Variants in PRR14 observed in about 807,000 individuals in gnomAD.
PRR14 encodes proline rich 14, also known as proline-rich protein 14.
In PRR14, 33 loss-of-function variants were observed where a neutral mutation model predicts 57.2. That is an observed-to-expected ratio of 0.58 (90% CI 0.44 to 0.77). The LOEUF (loss-of-function observed/expected upper bound fraction) is 0.77, where lower values mean the gene tolerates loss of function less well. Among genes scored for constraint, PRR14 ranks in the 30% least tolerant of loss-of-function variants. PRR14 has a pLI of 0.00. For missense variants in PRR14, 716 were observed against 788.1 expected (o/e 0.91, Z 1.10); for synonymous variants, 303 against 314.7 (o/e 0.96, Z 0.39).
Position 30,651,926 on chromosome 16 carries a change from C to T in PRR14, c.154C>T (p.Leu52=). 1 of 1,573,530 alleles carries T rather than the reference C, an allele frequency of 6.4e-7. No homozygotes were observed. The highest frequency in any genetic ancestry group is 8.6e-7 in the Non-Finnish European group (1 of 1,161,524). ...CCTGGAAAAGGCCTCTCGGCGGGTC[C>T]TGGCCGTGGTGCTAGAAGATGTCAT... The part of the protein sequence containing the change: ...SPLEKASRRV[L]AVVLEDVMAV... The change falls in exon 3 of 12, where the codon CTG becomes TTG. Residue 52 remains leucine, a synonymous_variant. Transcript: ENST00000300835. This position sits in a 1 kb window ranked among gnomAD's most constrained non-coding sequence, Gnocchi z 5.0.
intron 3 of PRR14, 57 bp downstream of exon 3, chr16:30,652,021 A>G: frequency 2.0e-6 from 3 of 1,497,850 alleles, no homozygotes; most frequent in Non-Finnish European, 2.7e-6. Flanking sequence ...TCACTACCAA[A>G]CTCGGGCCAG....
chr16:30,651,544 A>T lies in PRR14; in HGVS notation c.-50-52A>T. ...GGCGGACCATGAAGGGCGGAGCCCC[A>T]GGGAAGGGGCCGGCCCTCACCCCCC... is the stretch of plus-strand genomic sequence containing the variant. On this transcript the variant is annotated intron_variant, in intron 1 of 11. Transcript: ENST00000300835. This position sits in a 1 kb window ranked among gnomAD's most constrained non-coding sequence, Gnocchi z 5.0. 1.3e-6 allele frequency: 1 copy of T among 760,724 alleles called. No individual in the cohort carries two copies. The highest frequency in any genetic ancestry group is 2.0e-6 in the Non-Finnish European group (1 of 504,630). 47.1% of individuals were successfully genotyped at this position (760,724 alleles called of 1,614,324 possible).
At position 30,656,410 on chromosome 16, in the gene PRR14, C is replaced by T; in HGVS notation, c.*99C>T. 8.4e-7 allele frequency: 1 copy of T among 1,190,688 alleles called. No individual in the cohort carries two copies. Among genetic ancestry groups the T allele is most frequent in the Non-Finnish European group, 1.1e-6 (1 of 871,998 alleles). 73.8% of individuals were successfully genotyped at this position (1,190,688 alleles called of 1,614,324 possible). Reference sequence around the variant, plus strand: ...TTCTAGTAAAGTTTTCGATATGTTTCTGATTCTTTTGTATCTCTAGCTGAG... The same window carrying T: ...TTCTAGTAAAGTTTTCGATATGTTTTTGATTCTTTTGTATCTCTAGCTGAG... On this transcript the variant is annotated 3_prime_UTR_variant, in exon 12 of 12. Transcript: ENST00000300835.
chr16:30,651,615 C>T lies in PRR14; in HGVS notation c.-31C>T, dbSNP rs773512606. On this transcript the variant is annotated 5_prime_UTR_variant, in exon 2 of 12. Coordinates refer to ENST00000300835, the MANE Select transcript of PRR14 (RefSeq NM_024031.5). This position sits in a 1 kb window ranked among gnomAD's most constrained non-coding sequence, Gnocchi z 5.0. ...CCCCAGGCCGCAGCCTGGGATTCCCCAGGGACCCCCCCGGAGCCGCCGCGT... is the reference window on the plus strand; with the variant it reads ...CCCCAGGCCGCAGCCTGGGATTCCCTAGGGACCCCCCCGGAGCCGCCGCGT... 4 of 1,574,650 alleles carry T rather than the reference C, an allele frequency of 2.5e-6. No individual in the cohort carries two copies. In the South Asian group the frequency reaches 4.5e-5, roughly 18 times the overall value.
rs748952926 is a variant in PRR14, at chr16:30,651,879, A to C, written c.107A>C (p.Gln36Pro). ...AGGAGCCCGAAACGGCCGAGGCTGC[A>C]GCTCCCGGGGGCCCCTTCTCCCCTG... ...GARSPKRPRLQLPGAPSPLEK... is the reference protein window; with the variant it reads ...GARSPKRPRLPLPGAPSPLEK... Residue 36 changes from glutamine to proline, a missense_variant, in exon 3 of 12, where the codon CAG becomes CCG. Coordinates refer to ENST00000300835, the MANE Select transcript of PRR14 (RefSeq NM_024031.5). This position sits in a 1 kb window ranked among gnomAD's most constrained non-coding sequence, Gnocchi z 5.0. The C allele has an allele frequency of 5.0e-6, 8 of 1,606,486 alleles. No homozygotes were observed. The East Asian group carries it at 1.8e-4, about 36-fold the overall frequency.
intron 6 of PRR14, among the ~76,000 whole-genome samples, chr16:30,653,768 G>A (rs1028900307): frequency 6.6e-6 from 1 of 152,180 alleles, no homozygotes; most frequent in African/African-American, 2.4e-5. Flanking sequence ...CTGGGTTCAA[G>A]TGATTCTCCT....
chr16:30,653,481 C>G, intron 6 of PRR14, 73 bp downstream of exon 6: 1 of 1,444,668 alleles, frequency 6.9e-7, no homozygotes, highest in East Asian at 2.3e-5. Flanking sequence ...GAGCTAGGGG[C>G]ATCGGGACTG....
In PRR14 at chr16:30,654,637, C is replaced by A. The variant is rs756800320; in HGVS notation, c.667C>A (p.Pro223Thr). 1 of 1,602,568 alleles carries A rather than the reference C, an allele frequency of 6.2e-7. No individual in the cohort carries two copies. Among genetic ancestry groups the A allele is most frequent in the Non-Finnish European group, 8.5e-7 (1 of 1,172,686 alleles). Residue 223 changes from proline (P) to threonine (T), a missense_variant, in exon 8 of 12, where the codon CCT (proline) becomes ACT (threonine). Coordinates refer to ENST00000300835, the MANE Select transcript of PRR14 (RefSeq NM_024031.5). ...CCCTCTCCTTTCCTCAGCCCCAGAT[C>A]CTGCTCTGGAGCTCCCATCCACCCC... ...PLESPPTAPD[P>T]ALELPSTPPP...
At chr16:30,652,193 C>T in intron 3 of PRR14, 1 of 650,642 alleles carries the variant, frequency 1.5e-6, no homozygotes, top group Non-Finnish European at 2.7e-6. Context: ...AACCACATCC[C>T]TGTAACTCTG....
chr16:30,655,568 C>T lies in PRR14; in HGVS notation c.1381C>T (p.Pro461Ser). Residue 461 changes from proline to serine, a missense_variant, in exon 10 of 12, where the codon CCA becomes TCA. Pro to Ser is a moderately conservative substitution (Grantham distance 74, BLOSUM62 -1). Transcript: ENST00000300835. The surrounding 1 kb of genome is among the most constrained non-coding windows in gnomAD (Gnocchi z 4.6). ...TPARPQLNLT[P>S]MGLPRPIRLN... ...AGCCCGTCCTCAGCTAAACCTTACA[C>T]CAATGGGACTGCCTCGACCAATCAG... 1 of 1,614,220 alleles carries T rather than the reference C, an allele frequency of 6.2e-7. No homozygotes were observed. The highest frequency in any genetic ancestry group is 8.5e-7 in the Non-Finnish European group (1 of 1,180,034).
At chr16:30,652,337 A>G (rs1461548561) in intron 3 of PRR14, 2 of 566,430 alleles carry the variant, frequency 3.5e-6, no homozygotes, top group East Asian at 8.2e-5. Context: ...TTGGGATTAC[A>G]GGCGTGAGCC....
In PRR14 at chr16:30,655,942, G is replaced by T; in HGVS notation, c.1478+3G>T. ...TACCAATCACCCACAACCAGGAGGT[G>T]AGACACTTGGAAGGCTAGAGGGTGG... On this transcript the variant is annotated splice_donor_region_variant and intron_variant, in intron 11 of 11. Coordinates refer to ENST00000300835, the MANE Select transcript of PRR14 (RefSeq NM_024031.5). The surrounding 1 kb of genome is among the most constrained non-coding windows in gnomAD (Gnocchi z 4.6). The T allele has an allele frequency of 6.2e-7, 1 of 1,614,016 alleles. No individual in the cohort carries two copies. Among genetic ancestry groups the T allele is most frequent in the South Asian group, 1.1e-5 (1 of 91,064 alleles).
chr16:30,650,821 GGGGA>G, upstream of PRR14: 2 of 318,890 alleles, frequency 6.3e-6, no homozygotes, highest in Non-Finnish European at 1.3e-5. Flanking sequence ...GCAGCCCTTG[GGGGA>G]GGGCAAGGAG....
intron 7 of PRR14, 123 bp downstream of exon 7, chr16:30,654,462 T>C: frequency 4.1e-6 from 4 of 974,928 alleles, no homozygotes; most frequent in South Asian, 2.9e-5. Flanking sequence ...GGGCTTGGTA[T>C]ATAAAGATGG....
At chr16:30,653,209 A>G in intron 5 of PRR14, 106 bp downstream of exon 5, 1 of 1,389,102 alleles carries the variant, frequency 7.2e-7, no homozygotes, top group Non-Finnish European at 9.9e-7. Flanking sequence ...GGTGAGGAGG[A>G]TGGCATTTTA....
At chr16:30,653,993 G>T (rs558581671) in intron 6 of PRR14, 6 of 496,146 alleles carry the variant, frequency 1.2e-5, no homozygotes, top group Non-Finnish European at 2.2e-5. Flanking sequence ...GTTGGATGTG[G>T]TGGTCCATGC....
intron 3 of PRR14, 114 bp downstream of exon 3, chr16:30,652,078 C>T (rs2052319351): frequency 1.6e-6 from 2 of 1,217,960 alleles, no homozygotes; most frequent in Non-Finnish European, 2.3e-6. Context: ...TTGTTGTACT[C>T]AGCCCTCAGG....
In PRR14 at chr16:30,653,368, T is replaced by A; in HGVS notation, c.508T>A (p.Phe170Ile). 4 of 1,613,924 alleles carry A rather than the reference T, an allele frequency of 2.5e-6. No homozygotes were observed. Among genetic ancestry groups the A allele is most frequent in the South Asian group, 1.1e-5 (1 of 91,078 alleles). The change falls in exon 6 of 12, where the codon TTC becomes ATC. Residue 170 changes from phenylalanine (F) to isoleucine (I), a missense_variant. Coordinates refer to ENST00000300835, the MANE Select transcript of PRR14 (RefSeq NM_024031.5). ...IASPRPPAEG[F>I]IDETPNFIIP... ...AACATCCCCTATTTTTATCCAGGGCTTCATTGATGAGACCCCCAACTTCAT... is the reference window on the plus strand; with the variant it reads ...AACATCCCCTATTTTTATCCAGGGCATCATTGATGAGACCCCCAACTTCAT...
chr16:30,654,159 G>T, intron 6 of PRR14, 71 bp from the exon 7 acceptor site: 1 of 1,029,310 alleles, frequency 9.7e-7, no homozygotes, highest in Non-Finnish European at 1.5e-6. Flanking sequence ...AGCCTTAAGG[G>T]ATAGGGGAGT....
Sources: allele counts gnomAD v4.1 joint callset (sites outside exome capture counted in the v4.1 genomes callset), GRCh38; gene constraint gnomAD v4.1.1; non-coding constraint Gnocchi (gnomAD v3.1); transcripts MANE v1.5; gene names NCBI Gene and HGNC (gene_info 2026-07-23, HGNC 2026-07-21).